The following RMP24 variants were observed in gnomAD, a reference collection of about 807,000 sequenced individuals.
The protein encoded by RMP24 is ribonuclease MRP subunit p24, also known as ribonuclease MRP protein subunit p24.
chr18:35,973,279 T>G, the RMP24 span: 1 of 357,536 alleles, frequency 2.8e-6, no homozygotes, highest in Non-Finnish European at 5.3e-6. Context: ...GCACACTCGC[T>G]TCCTTGGTGA....
chr18:35,977,547 C>T, the RMP24 span: 3 of 1,614,158 alleles, frequency 1.9e-6, no homozygotes, highest in Non-Finnish European at 2.5e-6. Context: ...GGACTGCAAA[C>T]CCAAATCATG....
the RMP24 span, among the ~76,000 whole-genome samples, chr18:35,976,460 G>A: frequency 0.025 from 3,745 of 152,136 alleles, 176 homozygotes; most frequent in African/African-American, 0.085. Flanking sequence ...TTAATTTGCC[G>A]AGGCATGGGC....
At chr18:35,974,306 C>T in the RMP24 span, among the ~76,000 whole-genome samples, 1 of 152,154 alleles carries the variant, frequency 6.6e-6, no homozygotes, top group Admixed American at 6.5e-5. Flanking sequence ...TTGTATGCCT[C>T]GGTGAATTGT....
chr18:35,977,628 T>C, the RMP24 span: 12 of 1,594,928 alleles, frequency 7.5e-6, no homozygotes, highest in South Asian at 1.3e-4. Flanking sequence ...GTTTTTGAAT[T>C]GCCAGTGTTA....
chr18:35,976,138 A>ATTT, the RMP24 span, among the ~76,000 whole-genome samples: 797 of 72,760 alleles, frequency 0.011, 98 homozygotes, highest in African/African-American at 0.023. Flanking sequence ...TGTTTTTCTG[A>ATTT]TTTTTTTTTT....
the RMP24 span, chr18:35,977,499 T>C: frequency 6.2e-7 from 1 of 1,614,122 alleles, no homozygotes; most frequent in Non-Finnish European, 8.5e-7. Context: ...ATCCTGCCAC[T>C]CCTACAAGTA....
chr18:35,972,921 C>G, the RMP24 span: 36 of 1,614,054 alleles, frequency 2.2e-5, no homozygotes, highest in African/African-American at 4.5e-4. Flanking sequence ...AGAAGAACGC[C>G]TGTCTCTTGT....
chr18:35,975,972 A>G, the RMP24 span, among the ~76,000 whole-genome samples: 674 of 152,168 alleles, frequency 4.4e-3, 5 homozygotes, highest in Non-Finnish European at 6.6e-3. Flanking sequence ...GGAGAATTGT[A>G]TTTTTCAAAA....
chr18:35,974,164 C>G, the RMP24 span, among the ~76,000 whole-genome samples: 1 of 152,174 alleles, frequency 6.6e-6, no homozygotes, highest in African/African-American at 2.4e-5. Context: ...CCTCTGGTCT[C>G]TATAATATCA....
the RMP24 span, chr18:35,978,794 C>A: frequency 2.0e-6 from 3 of 1,513,046 alleles, no homozygotes; most frequent in South Asian, 4.0e-5. Flanking sequence ...AAATGATTGT[C>A]ATTTGTTGGT....
At chr18:35,977,709 A>G in the RMP24 span, 2 of 1,131,952 alleles carry the variant, frequency 1.8e-6, no homozygotes, top group East Asian at 2.5e-5. Context: ...GGACTTGGCC[A>G]TTTTTCCTCC....
chr18:35,972,715 C>T, the RMP24 span: 10 of 1,601,606 alleles, frequency 6.2e-6, no homozygotes, highest in South Asian at 5.5e-5. Flanking sequence ...GAGCCAGCGG[C>T]AGCGGCGGCG....
the RMP24 span, chr18:35,977,325 C>T: frequency 7.0e-6 from 9 of 1,293,070 alleles, no homozygotes; most frequent in East Asian, 1.7e-4. Context: ...TAGTCCCTGA[C>T]ATTTAAGAAT....
chr18:35,973,048 C>T, the RMP24 span: 9 of 1,115,048 alleles, frequency 8.1e-6, no homozygotes, highest in African/African-American at 4.7e-5. Context: ...GTCTCGGTTT[C>T]GTGAAAAATC....
the RMP24 span, chr18:35,973,160 T>C: frequency 1.7e-6 from 1 of 593,998 alleles, no homozygotes; most frequent in Non-Finnish European, 3.0e-6. Context: ...ATTACGTAGT[T>C]CACCTCTTCA....
At chr18:35,973,031 C>G in the RMP24 span, 2 of 1,291,416 alleles carry the variant, frequency 1.5e-6, no homozygotes, top group Non-Finnish European at 2.2e-6. Flanking sequence ...CAACAAAGCC[C>G]GCATGTGTCT....
the RMP24 span, chr18:35,979,018 T>C: frequency 5.8e-6 from 9 of 1,551,086 alleles, no homozygotes; most frequent in South Asian, 4.9e-5. Context: ...AAATGCCTGA[T>C]GTCAATTCTG....
the RMP24 span, among the ~76,000 whole-genome samples, chr18:35,974,413 T>G: frequency 6.6e-6 from 1 of 152,238 alleles, no homozygotes; most frequent in African/African-American, 2.4e-5. Context: ...TTGGCAGAGC[T>G]AAGTTTAAGT....
chr18:35,973,897 T>G, the RMP24 span: 3 of 152,468 alleles, frequency 2.0e-5, no homozygotes, highest in African/African-American at 7.2e-5. Context: ...ACTCCACTCC[T>G]CACCACATCC....
Sources: allele counts gnomAD v4.1 joint callset (sites outside exome capture counted in the v4.1 genomes callset), GRCh38; gene constraint gnomAD v4.1.1; transcripts MANE v1.5; gene names NCBI Gene and HGNC (gene_info 2026-07-23, HGNC 2026-07-21).